The following RBFOX1 variants were observed in gnomAD, a reference collection of about 807,000 sequenced individuals.
RBFOX1 encodes RNA binding fox-1 homolog 1.
In RBFOX1, 8 loss-of-function variants were observed where a neutral mutation model predicts 57.7. The observed-to-expected ratio is 0.14, with a 90% CI of 0.08 to 0.25. RBFOX1 has a LOEUF of 0.25. RBFOX1 is among the 10% of genes least tolerant of loss of function. The probability of loss-of-function intolerance (pLI) is 1.00; values close to 1 mark genes in which losing one functional copy is unlikely to be tolerated. For synonymous variants in RBFOX1, 326 were observed against 222.4 expected, an observed-to-expected ratio of 1.47 and a Z score of -4.15; for missense variants, 611 against 548.5, an observed-to-expected ratio of 1.11 and a Z score of -1.14.
chr16:7,339,386 A>G (rs1440509096), intron 4 of RBFOX1, among the ~76,000 whole-genome samples: 1 of 152,198 alleles, frequency 6.6e-6, no homozygotes. Flanking sequence ...GCTAGCATAT[A>G]AAGTATGTTT....
At position 7,260,938 on chromosome 16, in the gene RBFOX1, C is replaced by A. The variant is rs149045475; in HGVS notation, c.27+208840C>A. 5.7e-3 allele frequency among the ~76,000 whole-genome samples: 869 copies of A among 152,228 alleles called. 34 individuals carry two copies. Among genetic ancestry groups the A allele is most frequent in the Admixed American group, 0.045 (681 of 15,282 alleles). On this transcript the variant is annotated intron_variant, in intron 4 of 15. Coordinates refer to ENST00000550418, the MANE Select transcript of RBFOX1 (RefSeq NM_018723.4). Reference sequence around the variant, plus strand: ...CATTACGGTGAATGCTAGGCTCTGGCCAAACACCTACAGCCCCTTCAAGGG... The same window carrying A: ...CATTACGGTGAATGCTAGGCTCTGGACAAACACCTACAGCCCCTTCAAGGG...
chr16:5,712,171 C>G (rs1203020731), intron 3 of RBFOX1, among the ~76,000 whole-genome samples: 3 of 152,148 alleles, frequency 2.0e-5, no homozygotes, highest in African/African-American at 7.2e-5. Flanking sequence ...AAAACTGCCC[C>G]CATGATCCAA....
chr16:6,780,347 A>G (rs1207631290), intron 3 of RBFOX1, among the ~76,000 whole-genome samples: 4 of 101,034 alleles, frequency 4.0e-5, no homozygotes, highest in Non-Finnish European at 5.1e-5. Flanking sequence ...ACATATTTAT[A>G]TACATATTTA....
At position 7,320,625 on chromosome 16, in the gene RBFOX1, A is replaced by T. The variant is rs149615870; in HGVS notation, c.28-197522A>T. On this transcript the variant is annotated intron_variant, in intron 4 of 15. Coordinates refer to ENST00000550418, the MANE Select transcript of RBFOX1 (RefSeq NM_018723.4). ...CAAACTTGCTTAAGCAAAAATGGGGATTTGTTGATTCATGAAACTGGGATA... is the reference window on the plus strand; with the variant it reads ...CAAACTTGCTTAAGCAAAAATGGGGTTTTGTTGATTCATGAAACTGGGATA... Among the ~76,000 whole-genome samples the T allele has an allele frequency of 1.2e-4, 18 of 152,326 alleles. No homozygotes were observed. In the South Asian group the frequency reaches 2.5e-3, roughly 21 times the overall value.
chr16:5,799,314 A>C (rs541649903), intron 3 of RBFOX1, among the ~76,000 whole-genome samples: 27 of 152,280 alleles, frequency 1.8e-4, no homozygotes, highest in Middle Eastern at 6.8e-3. Flanking sequence ...TGGGAGCTAC[A>C]AGTAAGATGA....
At chr16:7,503,738 C>A (rs1382617967) in intron 4 of RBFOX1, among the ~76,000 whole-genome samples, 1 of 152,170 alleles carries the variant, frequency 6.6e-6, no homozygotes. Context: ...CAAAATGCAT[C>A]TGTCTGTTCT....
At chr16:5,656,898 C>A (rs1332209540) in intron 3 of RBFOX1, among the ~76,000 whole-genome samples, 1 of 152,000 alleles carries the variant, frequency 6.6e-6, no homozygotes, top group Admixed American at 6.6e-5. Context: ...AATATGGACA[C>A]AGGGAGGGGA....
At chr16:6,776,936 ATTG>A (rs2079474336) in intron 3 of RBFOX1, among the ~76,000 whole-genome samples, 1 of 152,190 alleles carries the variant, frequency 6.6e-6, no homozygotes, top group Admixed American at 6.5e-5. Flanking sequence ...CTGGCTTTGT[ATTG>A]TTCATAAATT....
At chr16:7,298,977 T>C (rs2095965742) in intron 4 of RBFOX1, among the ~76,000 whole-genome samples, 1 of 152,208 alleles carries the variant, frequency 6.6e-6, no homozygotes, top group Non-Finnish European at 1.5e-5. Flanking sequence ...TATTTGCTTT[T>C]ACAAGCAATG....
At chr16:5,524,816 C>T (rs1478023642) in intron 2 of RBFOX1, among the ~76,000 whole-genome samples, 1 of 152,124 alleles carries the variant, frequency 6.6e-6, no homozygotes, top group Non-Finnish European at 1.5e-5. Context: ...GCTGGGATTA[C>T]AGGCGTGAGA....
intron 4 of RBFOX1, among the ~76,000 whole-genome samples, chr16:7,462,307 C>T (rs1017769427): frequency 1.3e-5 from 2 of 152,120 alleles, no homozygotes; most frequent in African/African-American, 4.8e-5. Context: ...CTAGCCTGGC[C>T]AATATGGTGA....
intron 3 of RBFOX1, among the ~76,000 whole-genome samples, chr16:6,915,321 C>T (rs117870024): frequency 6.6e-6 from 1 of 152,136 alleles, no homozygotes; most frequent in African/African-American, 2.4e-5. Context: ...AGGGAGCTAA[C>T]TGCGGTTCCT....
intron 14 of RBFOX1, among the ~76,000 whole-genome samples, chr16:7,677,368 G>T (rs920282817): frequency 6.6e-6 from 1 of 152,138 alleles, no homozygotes; most frequent in Non-Finnish European, 1.5e-5. Context: ...TTCATAAGGA[G>T]ATTGATTCTT....
At chr16:6,707,517 T>C (rs1007415223) in intron 3 of RBFOX1, among the ~76,000 whole-genome samples, 14 of 142,540 alleles carry the variant, frequency 9.8e-5, no homozygotes, top group Non-Finnish European at 1.8e-4. Context: ...ATCACTGCAG[T>C]GAACATCCTT....
intron 5 of RBFOX1, among the ~76,000 whole-genome samples, chr16:7,571,221 A>T (rs140561666): frequency 6.6e-6 from 1 of 151,708 alleles, no homozygotes; most frequent in Non-Finnish European, 1.5e-5. Flanking sequence ...AAGAAAAAAA[A>T]ATCCTTCCCT....
chr16:7,135,326 G>A lies in RBFOX1; in HGVS notation c.27+83228G>A, dbSNP rs118149527. On this transcript the variant is annotated intron_variant, in intron 4 of 15. Transcript: ENST00000550418. The stretch of plus-strand genomic sequence containing the variant: ...ACTCCACATTATTTGTTTGCAAGAG[G>A]AAATTTGTCAGCACTTTGCAGAAAG... 2.6e-5 allele frequency among the ~76,000 whole-genome samples: 4 copies of A among 152,318 alleles called. No homozygotes were observed. The East Asian group carries it at 7.7e-4, about 29-fold the overall frequency.
intron 4 of RBFOX1, among the ~76,000 whole-genome samples, chr16:7,351,725 C>T (rs1470867043): frequency 6.6e-6 from 1 of 152,128 alleles, no homozygotes; most frequent in African/African-American, 2.4e-5. Context: ...CCCTAAATAC[C>T]CATGTCCACA....
At chr16:6,330,035 C>G (rs1288933135) in intron 2 of RBFOX1, among the ~76,000 whole-genome samples, 1 of 152,162 alleles carries the variant, frequency 6.6e-6, no homozygotes, top group African/African-American at 2.4e-5. Flanking sequence ...TACTGTGTAG[C>G]TTTCCTTCAT....
chr16:5,334,243 A>C (rs1453961673), intron 1 of RBFOX1, among the ~76,000 whole-genome samples: 1 of 152,158 alleles, frequency 6.6e-6, no homozygotes, highest in East Asian at 1.9e-4. Flanking sequence ...CAGGGCTGGT[A>C]TGTCTCTGCT....
Sources: allele counts gnomAD v4.1 joint callset (sites outside exome capture counted in the v4.1 genomes callset), GRCh38; gene constraint gnomAD v4.1.1; transcripts MANE v1.5; gene names NCBI Gene and HGNC (gene_info 2026-07-23, HGNC 2026-07-21).